Variants in IPO9 observed in about 807,000 individuals in gnomAD.
The protein encoded by IPO9 is importin-9.
In IPO9, 28 loss-of-function variants were observed where a neutral mutation model predicts 128.6. The ratio of observed to expected loss-of-function variants is 0.22; its 90% CI spans 0.16 to 0.30. The LOEUF (loss-of-function observed/expected upper bound fraction) is 0.30. IPO9 is among the 10% of genes least tolerant of loss of function. The pLI is 1.00. For synonymous variants in IPO9, 455 were observed against 475.8 expected (o/e 0.96, Z 0.57); for missense variants, 935 against 1,293.9 (o/e 0.72, Z 4.26).
intron 1 of IPO9, among the ~76,000 whole-genome samples, chr1:201,843,394 A>C (rs1361331906): frequency 2.0e-5 from 3 of 152,254 alleles, no homozygotes; most frequent in Non-Finnish European, 4.4e-5. Context: ...AATGGGGGAA[A>C]AAAAAAGAAA....
chr1:201,833,169 G>C (rs780955300), intron 1 of IPO9, among the ~76,000 whole-genome samples: 33 of 152,126 alleles, frequency 2.2e-4, no homozygotes, highest in Admixed American at 5.9e-4. Flanking sequence ...GATTCATGTA[G>C]CGTGTCAATC....
chr1:201,836,332 C>T (rs1456771573), intron 1 of IPO9, among the ~76,000 whole-genome samples: 1 of 151,980 alleles, frequency 6.6e-6, no homozygotes, highest in African/African-American at 2.4e-5. Context: ...TAAAATAAGG[C>T]CAAGAGCTTT....
intron 1 of IPO9, among the ~76,000 whole-genome samples, chr1:201,832,108 G>A (rs1258977701): frequency 6.7e-6 from 1 of 149,718 alleles, no homozygotes; most frequent in Admixed American, 6.7e-5. Flanking sequence ...CACCATGTTG[G>A]CCAGGTTGTC....
chr1:201,881,470 G>A lies in IPO9; in HGVS notation c.*5416G>A, dbSNP rs1680882807. 1.3e-5 allele frequency: 2 copies of A among 152,182 alleles called. No homozygotes were observed. The highest frequency in any genetic ancestry group is 1.3e-4 in the Admixed American group (2 of 15,286). The allele number at this position is 152,182 out of a possible 1,614,324, so 9.4% of individuals were successfully genotyped here. ...GATGAGAGTGGGGTAAGACATTGCA[G>A]AGAAAAAGTAAGAAAAGGCCGTCAT... is the stretch of plus-strand genomic sequence containing the variant. On this transcript the variant is annotated 3_prime_UTR_variant, in exon 24 of 24. Transcript: ENST00000361565.
rs376649141 is a variant in IPO9, at chr1:201,845,217, T to C, written c.164-2062T>C. 2.1e-4 allele frequency among the ~76,000 whole-genome samples: 32 copies of C among 152,316 alleles called. 1 individual carries two copies. In the East Asian group the frequency reaches 4.1e-3, roughly 19 times the overall value. ...TTTTAGTAGAGACGGGATTTCTCCA[T>C]GTTGGTCAGGCTGGACTCGAACTCC... On this transcript the variant is annotated intron_variant, in intron 1 of 23. Coordinates refer to ENST00000361565, the MANE Select transcript of IPO9 (RefSeq NM_018085.5).
intron 13 of IPO9, 54 bp from the exon 14 acceptor site, chr1:201,863,394 C>A: frequency 2.0e-6 from 3 of 1,481,548 alleles, no homozygotes; most frequent in South Asian, 2.8e-5. Flanking sequence ...AGAGAAAGAA[C>A]AAGTAAAAGG....
Position 201,877,572 on chromosome 1 carries a change from G to T in IPO9, c.*1518G>T, listed in dbSNP as rs1315990114. 6.6e-6 allele frequency: 1 copy of T among 151,694 alleles called. No homozygotes were observed. The highest frequency in any genetic ancestry group is 1.5e-5 in the Non-Finnish European group (1 of 67,982). The allele number at this position is 151,694 out of a possible 1,614,324, so 9.4% of individuals were successfully genotyped here. ...CTTTTTTTGGTAGTGCCCACATCTG[G>T]TGCCCCATTTTTAATAACCACAGGA... On this transcript the variant is annotated 3_prime_UTR_variant, in exon 24 of 24. Transcript: ENST00000361565.
Position 201,855,895 on chromosome 1 carries a change from T to G in IPO9, c.1083T>G (p.Ile361Met), listed in dbSNP as rs369226762. 2.5e-6 allele frequency: 4 copies of G among 1,611,518 alleles called. No individual in the cohort carries two copies. In the African/African-American group the frequency reaches 5.3e-5, roughly 22 times the overall value. The change falls in exon 10 of 24, where the codon ATT becomes ATG. Residue 361 changes from isoleucine to methionine, a missense_variant. Ile to Met is a conservative substitution (Grantham distance 10). Transcript: ENST00000361565. ...TTAAGAAAGCCTTGCCTGAATTGAT[T>G]TATTATATTATCCTGTACATGCAAA... ...STVKKALPELIYYIILYMQIT... is the reference protein window; with the variant it reads ...STVKKALPELMYYIILYMQIT...
intron 4 of IPO9, among the ~76,000 whole-genome samples, chr1:201,851,291 A>C (rs919663803): frequency 3.3e-5 from 5 of 151,014 alleles, no homozygotes; most frequent in Non-Finnish European, 5.9e-5. Context: ...CTCTGGGATT[A>C]CAGGTATAAG....
In IPO9 at chr1:201,870,530, T is replaced by C; in HGVS notation, c.2134-53T>C. 1 of 1,574,630 alleles carries C rather than the reference T, an allele frequency of 6.4e-7. No homozygotes were observed. Among genetic ancestry groups the C allele is most frequent in the Non-Finnish European group, 8.6e-7 (1 of 1,157,616 alleles). ...ATTTGTTTATACAGACTGAGGGCCTTCTGGCATCTGTCCCTCGATTACTAA... is the reference window on the plus strand; with the variant it reads ...ATTTGTTTATACAGACTGAGGGCCTCCTGGCATCTGTCCCTCGATTACTAA... On this transcript the variant is annotated intron_variant, in intron 17 of 23. Transcript: ENST00000361565. The surrounding 1 kb of genome is among the most constrained non-coding windows in gnomAD (Gnocchi z 4.9).
chr1:201,857,498 G>A (rs1360827097), intron 11 of IPO9, among the ~76,000 whole-genome samples: 2 of 152,078 alleles, frequency 1.3e-5, no homozygotes, highest in Non-Finnish European at 2.9e-5. Context: ...GTTGAATCAA[G>A]AACATTTCAG....
At chr1:201,832,234 T>G (rs1278533046) in intron 1 of IPO9, among the ~76,000 whole-genome samples, 1 of 150,864 alleles carries the variant, frequency 6.6e-6, no homozygotes, top group African/African-American at 2.5e-5. Flanking sequence ...GAAGGAACCT[T>G]GTTTTCTGAT....
At chr1:201,856,767 G>A (rs1041491688) in intron 10 of IPO9, among the ~76,000 whole-genome samples, 1 of 152,120 alleles carries the variant, frequency 6.6e-6, no homozygotes, top group East Asian at 1.9e-4. Context: ...GCTCACGGCA[G>A]CCTTGACCTC....
Position 201,857,182 on chromosome 1 carries a change from A to G in IPO9, c.1209A>G (p.Gln403=). 1 of 1,601,976 alleles carries G rather than the reference A, an allele frequency of 6.2e-7. No homozygotes were observed. The highest frequency in any genetic ancestry group is 8.6e-7 in the Non-Finnish European group (1 of 1,168,992). ...TFSYTVRIAA[Q]DLLLAVATDF... is the part of the protein sequence containing the mutation. ...CCTATACTGTTAGAATAGCAGCTCA[A>G]GACTTGTTGCTGGTAAGTTTACCTT... The change falls in exon 11 of 24, where the codon CAA becomes CAG. Residue 403 remains glutamine (Q), a synonymous_variant. Transcript: ENST00000361565.
At chr1:201,867,673 C>A in intron 15 of IPO9, among the ~76,000 whole-genome samples, 1 of 151,018 alleles carries the variant, frequency 6.6e-6, no homozygotes, top group African/African-American at 2.4e-5. Context: ...TTCATTATTA[C>A]TTTTCTGCAT....
At chr1:201,862,233 G>A (rs551805918) in intron 13 of IPO9, among the ~76,000 whole-genome samples, 107 of 152,084 alleles carry the variant, frequency 7.0e-4, no homozygotes, top group Non-Finnish European at 1.3e-3. Flanking sequence ...CAAGCCGAGT[G>A]GATTGCTTGA....
rs1382114976 is a variant in IPO9 at position 201,872,808 on chromosome 1, T to C, written c.2577-20T>C. The C allele has an allele frequency of 1.9e-5, 30 of 1,600,186 alleles. No homozygotes were observed. Among genetic ancestry groups the C allele is most frequent in the Non-Finnish European group, 2.4e-5 (28 of 1,172,298 alleles). ...CGAGATGGGCGGCTGATTGACCTTT[T>C]TTTGGATCTTCCTTGCCAGCTCTGT... On this transcript the variant is annotated intron_variant, in intron 19 of 23. Coordinates refer to ENST00000361565, the MANE Select transcript of IPO9 (RefSeq NM_018085.5).
intron 13 of IPO9, among the ~76,000 whole-genome samples, 186 bp downstream of exon 13, chr1:201,859,180 A>AATAAATAAATATATATATATATATAT (rs371428335): frequency 3.6e-5 from 3 of 83,478 alleles, no homozygotes; most frequent in Non-Finnish European, 7.6e-5. Flanking sequence ...CTCAAAGTAT[A>AATAAATAAATATATATATATATATAT]ATATATATAT....
At position 201,829,242 on chromosome 1, in the gene IPO9, C is replaced by G; in HGVS notation, c.33C>G (p.Ser11=). The G allele has an allele frequency of 6.4e-7, 1 of 1,573,876 alleles. No homozygotes were observed. The highest frequency in any genetic ancestry group is 8.6e-7 in the Non-Finnish European group (1 of 1,164,036). The change falls in exon 1 of 24, where the codon TCC becomes TCG. Residue 11 remains serine, a synonymous_variant. Coordinates refer to ENST00000361565, the MANE Select transcript of IPO9 (RefSeq NM_018085.5). Reference sequence around the variant, plus strand: ...CGGCGGCGGCAGCTGGTGCGGCCTCCGGGCTGCCGGGTCCAGTGGCACAAG... The same window carrying G: ...CGGCGGCGGCAGCTGGTGCGGCCTCGGGGCTGCCGGGTCCAGTGGCACAAG... MAAAAAAGAA[S]GLPGPVAQGL...
Sources: allele counts gnomAD v4.1 joint callset (sites outside exome capture counted in the v4.1 genomes callset), GRCh38; gene constraint gnomAD v4.1.1; non-coding constraint Gnocchi (gnomAD v3.1); transcripts MANE v1.5; gene names NCBI Gene and HGNC (gene_info 2026-07-23, HGNC 2026-07-21).